Variants in HEPHL1 observed in about 807,000 individuals in gnomAD.
HEPHL1 encodes the protein ferroxidase HEPHL1.
Under a neutral mutation model 122.0 loss-of-function variants are expected in HEPHL1, and 123 were observed. The observed-to-expected ratio is 1.01, with a 90% CI of 0.87 to 1.17. The LOEUF (loss-of-function observed/expected upper bound fraction) is 1.17, where lower values mean the gene tolerates loss of function less well. HEPHL1 is among the 50% of genes most tolerant of loss of function. HEPHL1 has a pLI of 0.00. For missense variants in HEPHL1, 1,452 were observed against 1,430.5 expected (o/e 1.01, Z -0.24); for synonymous variants, 527 against 508.9 (o/e 1.04, Z -0.48).
rs1265632731 is a variant in HEPHL1, at chr11:94,085,971, A to C, written c.1868-6A>C. ...AATTTTTCACCGTCTTTCTTCTTCC[A>C]TTTAGCTGTTAACGGCTACATGTAT... is the stretch of plus-strand genomic sequence containing the variant. On this transcript the variant is annotated splice_region_variant and splice_polypyrimidine_tract_variant and intron_variant, in intron 10 of 19. Transcript: ENST00000315765. The C allele has an allele frequency of 1.9e-6, 3 of 1,610,606 alleles. No homozygotes were observed. Among genetic ancestry groups the C allele is most frequent in the Non-Finnish European group, 2.5e-6 (3 of 1,176,992 alleles).
chr11:94,106,026 C>T lies in HEPHL1; in HGVS notation c.2941C>T (p.Leu981Phe). The change falls in exon 17 of 20, where the codon CTC becomes TTC. Residue 981 changes from leucine to phenylalanine, a missense_variant. Leu to Phe is a conservative substitution (Grantham distance 22). Transcript: ENST00000315765. ...NGKIFGNLHG[L>F]IMNEDTMTNW... ...AAAGATTTTTGGGAATCTCCATGGC[C>T]TCATAATGAACGAAGATACAATGAC... The T allele has an allele frequency of 6.3e-7, 1 of 1,598,550 alleles. No individual in the cohort carries two copies. Among genetic ancestry groups the T allele is most frequent in the Non-Finnish European group, 8.6e-7 (1 of 1,169,480 alleles).
intron 2 of HEPHL1, among the ~76,000 whole-genome samples, chr11:94,046,679 T>A (rs1945842566): frequency 6.6e-6 from 1 of 151,844 alleles, no homozygotes; most frequent in Admixed American, 6.6e-5. Flanking sequence ...GAAGCAGCCC[T>A]GTCTTCCTTC....
At chr11:94,076,822 G>A (rs746577994) in intron 9 of HEPHL1, among the ~76,000 whole-genome samples, 2 of 152,130 alleles carry the variant, frequency 1.3e-5, no homozygotes, top group Non-Finnish European at 2.9e-5. Flanking sequence ...CCAGTAAATT[G>A]TCATAAATTC....
At chr11:94,073,491 TTA>T (rs1946095720) in intron 8 of HEPHL1, 52 bp downstream of exon 8, 1 of 1,525,086 alleles carries the variant, frequency 6.6e-7, no homozygotes, top group African/African-American at 1.4e-5. Flanking sequence ...AGCAAAGCAC[TTA>T]GAAATAAACA....
chr11:94,072,611 T>A (rs1249990481), intron 6 of HEPHL1, among the ~76,000 whole-genome samples: 1 of 152,122 alleles, frequency 6.6e-6, no homozygotes. Flanking sequence ...CATTCCTTAA[T>A]AATGCCAGAA....
rs767440718 is a variant in HEPHL1, at chr11:94,110,953, C to T, written c.3096C>T (p.Phe1032=). 2.0e-5 allele frequency: 32 copies of T among 1,612,784 alleles called. No individual in the cohort carries two copies. Among genetic ancestry groups the T allele is most frequent in the Non-Finnish European group, 2.5e-5 (30 of 1,179,478 alleles). Residue 1032 remains phenylalanine (F), a synonymous_variant, in exon 18 of 20, where the codon TTC becomes TTT. Coordinates refer to ENST00000315765, the MANE Select transcript of HEPHL1 (RefSeq NM_001098672.2). ...TGTATGATCTCTTTCCTGGGACATTCCAAACCATTGAACTGTTTGCAGATC... is the reference window on the plus strand; with the variant it reads ...TGTATGATCTCTTTCCTGGGACATTTCAAACCATTGAACTGTTTGCAGATC... ...EDVYDLFPGT[F]QTIELFADHP... is the part of the protein sequence containing the mutation.
chr11:94,024,867 A>G (rs1945610992), intron 1 of HEPHL1, among the ~76,000 whole-genome samples: 1 of 152,204 alleles, frequency 6.6e-6, no homozygotes, highest in African/African-American at 2.4e-5. Flanking sequence ...TGTCATTGAC[A>G]ATATCCTATG....
At chr11:94,107,868 G>A (rs1228775875) in intron 17 of HEPHL1, among the ~76,000 whole-genome samples, 1 of 152,148 alleles carries the variant, frequency 6.6e-6, no homozygotes, top group Non-Finnish European at 1.5e-5. Context: ...ATGTTTTTGT[G>A]TGAACATATG....
At chr11:94,021,633 G>A (rs752454970) in intron 1 of HEPHL1, 95 bp downstream of exon 1, 8 of 972,110 alleles carry the variant, frequency 8.2e-6, no homozygotes, top group Non-Finnish European at 1.2e-5. Context: ...TACAATGGGG[G>A]TGAGTTGATC....
chr11:94,104,990 T>C (rs1489953797), intron 16 of HEPHL1, among the ~76,000 whole-genome samples: 8 of 152,208 alleles, frequency 5.3e-5, no homozygotes, highest in Non-Finnish European at 1.0e-4. Context: ...AATCCTGGGA[T>C]CTCTAAGCTC....
intron 17 of HEPHL1, among the ~76,000 whole-genome samples, chr11:94,110,661 T>A (rs1246019234): frequency 2.6e-5 from 4 of 152,192 alleles, no homozygotes; most frequent in Non-Finnish European, 4.4e-5. Flanking sequence ...GAGGTGGGGA[T>A]CATTGTGGGC....
At chr11:94,087,947 T>G (rs1437809753) in intron 11 of HEPHL1, among the ~76,000 whole-genome samples, 1 of 152,188 alleles carries the variant, frequency 6.6e-6, no homozygotes, top group Non-Finnish European at 1.5e-5. Context: ...ATCCCTCACC[T>G]CTAAAAACAG....
At chr11:94,077,128 A>T (rs1234211820) in intron 9 of HEPHL1, among the ~76,000 whole-genome samples, 2 of 152,220 alleles carry the variant, frequency 1.3e-5, no homozygotes, top group Admixed American at 6.5e-5. Context: ...TAGGTTGTAG[A>T]CATAATGTCT....
chr11:94,069,436 TA>T (rs1305770894), intron 5 of HEPHL1, among the ~76,000 whole-genome samples: 2 of 152,128 alleles, frequency 1.3e-5, no homozygotes, highest in African/African-American at 4.8e-5. Context: ...AAATTGGTTT[TA>T]AAATCAGTAG....
intron 1 of HEPHL1, among the ~76,000 whole-genome samples, chr11:94,032,152 A>G (rs1303406614): frequency 1.3e-5 from 2 of 152,212 alleles, no homozygotes; most frequent in Non-Finnish European, 2.9e-5. Context: ...CTCCAACTTC[A>G]ATGTCATTTC....
chr11:94,066,448 G>C (rs995632750), intron 4 of HEPHL1, among the ~76,000 whole-genome samples: 1 of 151,970 alleles, frequency 6.6e-6, no homozygotes, highest in Non-Finnish European at 1.5e-5. Context: ...CAGCTACTGG[G>C]GAGGCTGAGG....
chr11:94,045,388 T>A (rs573730719), intron 1 of HEPHL1, among the ~76,000 whole-genome samples: 2 of 152,202 alleles, frequency 1.3e-5, no homozygotes, highest in Non-Finnish European at 2.9e-5. Flanking sequence ...AAGGGGAACA[T>A]GTTGAGTGGA....
intron 2 of HEPHL1, among the ~76,000 whole-genome samples, chr11:94,047,450 A>G (rs959874173): frequency 2.0e-5 from 3 of 152,148 alleles, no homozygotes; most frequent in Non-Finnish European, 2.9e-5. Flanking sequence ...ATAAGTGAGA[A>G]TATGCGATAT....
chr11:94,088,726 C>G (rs371955606), intron 11 of HEPHL1, 29 bp from the exon 12 acceptor site: 11 of 1,563,912 alleles, frequency 7.0e-6, no homozygotes, highest in Non-Finnish European at 8.8e-6. Flanking sequence ...CCGAGCACCA[C>G]ACTCAATGCC....
Sources: gnomAD v4.1 joint callset for allele counts (sites outside exome capture counted in the v4.1 genomes callset) on GRCh38, gnomAD v4.1.1 for gene constraint, MANE v1.5 for transcripts, NCBI Gene and HGNC (gene_info 2026-07-23, HGNC 2026-07-21) for gene names.